The following NPSR1 variants were observed in gnomAD, a reference collection of about 807,000 sequenced individuals.
The protein encoded by NPSR1 is neuropeptide S receptor 1.
NPSR1 carries 48 observed loss-of-function variants against 46.9 expected under a neutral mutation model. That is an observed-to-expected ratio of 1.02 (90% confidence interval 0.81 to 1.30). The LOEUF (loss-of-function observed/expected upper bound fraction) is 1.30, where lower values mean the gene tolerates loss of function less well. NPSR1 is among the 50% of genes most tolerant of loss of function. The pLI, the probability that NPSR1 is intolerant of heterozygous loss-of-function variation, is 0.00. For missense variants in NPSR1, 450 were observed against 449.5 expected (o/e 1.00, Z -0.01); for synonymous variants, 176 against 168.1 (o/e 1.05, Z -0.36).
At chr7:34,867,359 C>A (rs1791336707) in intron 8 of NPSR1, among the ~76,000 whole-genome samples, 1 of 151,772 alleles carries the variant, frequency 6.6e-6, no homozygotes, top group Non-Finnish European at 1.5e-5. Context: ...CCAGCTGATG[C>A]CTCACAAATC....
At chr7:34,855,152 A>T (rs953483021) in intron 8 of NPSR1, among the ~76,000 whole-genome samples, 2 of 152,240 alleles carry the variant, frequency 1.3e-5, no homozygotes, top group Non-Finnish European at 2.9e-5. Flanking sequence ...TAAAGAAAAA[A>T]GAGAAGGATT....
intron 2 of NPSR1, among the ~76,000 whole-genome samples, chr7:34,715,729 T>C (rs990244617): frequency 6.6e-6 from 1 of 152,232 alleles, no homozygotes; most frequent in Non-Finnish European, 1.5e-5. Context: ...CTACTGCAGA[T>C]ACCATAAGCC....
At chr7:34,755,781 AG>A (rs1267049459) in intron 2 of NPSR1, among the ~76,000 whole-genome samples, 1 of 152,116 alleles carries the variant, frequency 6.6e-6, no homozygotes, top group Non-Finnish European at 1.5e-5. Context: ...ACTGACAAGC[AG>A]GCAGAAAAAA....
At chr7:34,840,024 G>A (rs894006603) in intron 6 of NPSR1, among the ~76,000 whole-genome samples, 2 of 152,092 alleles carry the variant, frequency 1.3e-5, no homozygotes, top group Non-Finnish European at 2.9e-5. Flanking sequence ...TAGGTTGTCA[G>A]GGCTCCTGCT....
intron 3 of NPSR1, among the ~76,000 whole-genome samples, chr7:34,804,087 C>G (rs184533895): frequency 6.6e-6 from 1 of 151,938 alleles, no homozygotes; most frequent in East Asian, 1.9e-4. Flanking sequence ...AAAATGGTAA[C>G]AATTATCTGC....
chr7:34,680,995 T>C (rs1028231993), intron 1 of NPSR1, among the ~76,000 whole-genome samples: 1 of 152,086 alleles, frequency 6.6e-6, no homozygotes, highest in Admixed American at 6.5e-5. Flanking sequence ...TACTCTATGA[T>C]TACTAAGTAA....
chr7:34,750,046 T>C (rs1222426630), intron 2 of NPSR1, among the ~76,000 whole-genome samples: 4 of 151,916 alleles, frequency 2.6e-5, no homozygotes, highest in Admixed American at 6.6e-5. Context: ...GGCAAACATA[T>C]ATTCCAAAGT....
chr7:34,817,912 A>C (rs1319029794), intron 4 of NPSR1, among the ~76,000 whole-genome samples: 1 of 152,172 alleles, frequency 6.6e-6, no homozygotes, highest in Non-Finnish European at 1.5e-5. Flanking sequence ...TTGATTGAAC[A>C]TATCTCAAAA....
chr7:34,769,856 G>C (rs1287660384), intron 2 of NPSR1, among the ~76,000 whole-genome samples: 1 of 152,154 alleles, frequency 6.6e-6, no homozygotes, highest in African/African-American at 2.4e-5. Flanking sequence ...ATTTTTAAAA[G>C]CAAGAGTAAT....
chr7:34,660,800 A>G (rs1043692373), intron 1 of NPSR1, among the ~76,000 whole-genome samples: 1 of 152,108 alleles, frequency 6.6e-6, no homozygotes, highest in African/African-American at 2.4e-5. Flanking sequence ...AATTTTACCC[A>G]GTCTATAAAG....
intron 2 of NPSR1, among the ~76,000 whole-genome samples, chr7:34,713,131 T>C (rs561848954): frequency 2.1e-4 from 32 of 152,338 alleles, no homozygotes; most frequent in African/African-American, 7.5e-4. Context: ...GCAGAGCGGC[T>C]ACTGTTCTGA....
intron 4 of NPSR1, among the ~76,000 whole-genome samples, chr7:34,823,417 C>CAAAAAAAAA (rs79081202): frequency 2.9e-5 from 3 of 103,968 alleles, no homozygotes; most frequent in African/African-American, 4.3e-5. Flanking sequence ...AAAAAAAAAA[C>CAAAAAAAAA]AACACCATAA....
At chr7:34,799,630 C>T (rs974344295) in intron 3 of NPSR1, among the ~76,000 whole-genome samples, 3 of 149,484 alleles carry the variant, frequency 2.0e-5, no homozygotes, top group Non-Finnish European at 3.0e-5. Context: ...ATGTAAAGAC[C>T]ATCGAGAGTA....
At chr7:34,797,639 AAATT>A (rs1310440632) in intron 3 of NPSR1, among the ~76,000 whole-genome samples, 1 of 152,208 alleles carries the variant, frequency 6.6e-6, no homozygotes, top group African/African-American at 2.4e-5. Flanking sequence ...AAAATTTTCT[AAATT>A]AATGGCAAAC....
At chr7:34,688,388 A>C (rs1793047990) in intron 2 of NPSR1, among the ~76,000 whole-genome samples, 1 of 152,232 alleles carries the variant, frequency 6.6e-6, no homozygotes, top group Non-Finnish European at 1.5e-5. Context: ...GGCATTATCA[A>C]GATACAGAAT....
At chr7:34,715,677 A>G (rs1783525992) in intron 2 of NPSR1, among the ~76,000 whole-genome samples, 1 of 152,212 alleles carries the variant, frequency 6.6e-6, no homozygotes, top group African/African-American at 2.4e-5. Flanking sequence ...CTCAGATCAA[A>G]GCAGCCCTGA....
At chr7:34,716,403 C>G (rs935236887) in intron 2 of NPSR1, among the ~76,000 whole-genome samples, 1 of 152,150 alleles carries the variant, frequency 6.6e-6, no homozygotes, top group Non-Finnish European at 1.5e-5. Flanking sequence ...TTAAGAAGAG[C>G]AGAAGAGTGT....
intron 4 of NPSR1, among the ~76,000 whole-genome samples, chr7:34,821,715 A>C (rs1241063553): frequency 6.6e-6 from 1 of 152,180 alleles, no homozygotes; most frequent in Admixed American, 6.5e-5. Flanking sequence ...GTTCTGGGAG[A>C]CACTGTGTAA....
chr7:34,782,273 C>T (rs1787262836), intron 3 of NPSR1, among the ~76,000 whole-genome samples: 1 of 152,148 alleles, frequency 6.6e-6, no homozygotes, highest in Non-Finnish European at 1.5e-5. Flanking sequence ...ATGGCTACTC[C>T]ATGAGTGTCA....
Sources: allele counts gnomAD v4.1 joint callset (sites outside exome capture counted in the v4.1 genomes callset), GRCh38; gene constraint gnomAD v4.1.1; transcripts MANE v1.5; gene names NCBI Gene and HGNC (gene_info 2026-07-23, HGNC 2026-07-21).